CLN3: variants seen among roughly 807,000 people sequenced by gnomAD.
The protein encoded by CLN3 is CLN3 lysosomal/endosomal transmembrane protein, battenin.
A neutral mutation model predicts 60.7 loss-of-function variants in CLN3; 49 were observed. The observed-to-expected ratio is 0.81, with a 90% CI of 0.64 to 1.02. CLN3 has a LOEUF of 1.02. Ranked by LOEUF, CLN3 falls within the 50% of genes least tolerant of loss-of-function variation. The pLI, the probability that CLN3 is intolerant of heterozygous loss-of-function variation, is 0.00. For missense variants in CLN3, 516 were observed against 557.4 expected (o/e 0.93, Z 0.75); for synonymous variants, 256 against 245.8 (o/e 1.04, Z -0.39).
At chr16:28,472,348 C>T (rs2045957013), downstream of CLN3, among the ~76,000 whole-genome samples, 1 of 151,948 alleles carries the variant, frequency 6.6e-6, no homozygotes, top group African/African-American at 2.4e-5. Context: ...ATGATCACGC[C>T]ACTTCACTCC....
At chr16:28,469,855 T>C (rs1429844562), downstream of CLN3, 1 of 299,892 alleles carries the variant, frequency 3.3e-6, no homozygotes, top group Admixed American at 4.8e-5. Flanking sequence ...CGTTGTAATC[T>C]GAGCTACTCA....
At chr16:28,484,162 G>T in intron 9 of CLN3, 44 bp from the exon 10 acceptor site, 1 of 1,469,540 alleles carries the variant, frequency 6.8e-7, no homozygotes, top group Non-Finnish European at 9.4e-7. Context: ...CTACTGGCTG[G>T]GAAGGTCCCC....
chr16:28,469,990 T>G (rs866465531), downstream of CLN3, among the ~76,000 whole-genome samples: 1,045 of 129,606 alleles, frequency 8.1e-3, no homozygotes, highest in Non-Finnish European at 0.01. Flanking sequence ...AAAAAAAAAG[T>G]CATCAAACCA....
intron 4 of CLN3, among the ~76,000 whole-genome samples, 200 bp downstream of exon 4, chr16:28,489,090 C>T (rs1223005199): frequency 6.6e-6 from 1 of 151,938 alleles, no homozygotes; most frequent in African/African-American, 2.4e-5. Flanking sequence ...TTAGTAGAGT[C>T]GGAGTTTCAC....
At chr16:28,482,035 G>A (rs2046105269) in intron 14 of CLN3, 70 bp downstream of exon 14, 1 of 1,171,620 alleles carries the variant, frequency 8.5e-7, no homozygotes. Flanking sequence ...GGGAAGCAGG[G>A]GGTTTGGGGA....
chr16:28,480,598 A>C (rs938311148), intron 14 of CLN3, among the ~76,000 whole-genome samples: 2 of 151,828 alleles, frequency 1.3e-5, no homozygotes, highest in Non-Finnish European at 2.9e-5. Flanking sequence ...ACGGGGTTTC[A>C]CTGTGTTGGC....
At position 28,487,469 on chromosome 16, in the gene CLN3, C is replaced by A. The variant is rs779918787; in HGVS notation, c.447G>T (p.Gly149=). 22 of 1,613,798 alleles carry A rather than the reference C, an allele frequency of 1.4e-5. No individual in the cohort carries two copies. The highest frequency in any genetic ancestry group is 3.3e-5 in the Admixed American group (2 of 59,970). Residue 149 remains glycine, a synonymous_variant, in exon 7 of 16, where the codon GGG becomes GGT. Transcript: ENST00000636147. ...CCACACACTCACCACACAGGCTGGT[C>A]CCCACAGAATGAGAAAAGGCAACCA... The part of the protein sequence containing the change: ...FVLVAFSHSV[G]TSLCGVVFAS...
intron 3 of CLN3, among the ~76,000 whole-genome samples, chr16:28,489,822 C>T (rs540902091): frequency 2.0e-5 from 3 of 151,832 alleles, no homozygotes; most frequent in Non-Finnish European, 2.9e-5. Flanking sequence ...TTTGAGGGGC[C>T]GAGGCGGGCG....
At position 28,487,533 on chromosome 16, in the gene CLN3, A is replaced by AC. The variant is rs2141714554; in HGVS notation, c.382dup (p.Val128GlyfsTer32). ...AGCAGCACAAATCCCACTGACGAGA[A>AC]CCCGGGGGCTGAGGGGGTGAGAAGG... On this transcript the variant is annotated frameshift_variant, in exon 7 of 16. Transcript: ENST00000636147. LOFTEE classifies it high-confidence loss of function. 1 of 1,613,286 alleles carries AC rather than the reference A, an allele frequency of 6.2e-7. No individual in the cohort carries two copies. The highest frequency in any genetic ancestry group is 8.5e-7 in the Non-Finnish European group (1 of 1,179,528).
intron 5 of CLN3, 84 bp from the exon 6 acceptor site, chr16:28,487,825 G>T: frequency 9.5e-7 from 1 of 1,054,784 alleles, no homozygotes; most frequent in Non-Finnish European, 1.4e-6. Context: ...GCAGGAGCTG[G>T]CCAAACAGGC....
chr16:28,481,055 A>G (rs1465124450), intron 14 of CLN3, among the ~76,000 whole-genome samples: 3 of 152,174 alleles, frequency 2.0e-5, no homozygotes, highest in Non-Finnish European at 2.9e-5. Context: ...TAAATGACCT[A>G]TGATCATGCC....
downstream of CLN3, chr16:28,477,246 G>C: frequency 3.9e-6 from 2 of 511,876 alleles, no homozygotes; most frequent in South Asian, 4.2e-5. Context: ...CATAATAAAA[G>C]TTTCTTTTTA....
downstream of CLN3, chr16:28,477,048 A>T (rs181195): frequency 0.31 from 67,636 of 215,148 alleles, 13,370 homozygotes; most frequent in Non-Finnish European, 0.41. Context: ...GAGGCAGGAG[A>T]ATTGCTTGAA....
chr16:28,484,510 G>A (rs568139245), intron 9 of CLN3: 4 of 237,168 alleles, frequency 1.7e-5, no homozygotes, highest in South Asian at 5.4e-5. Flanking sequence ...CACCAAGCCC[G>A]CCTCATATTT....
In CLN3 at chr16:28,488,644, GC is replaced by G. The variant is rs748710466; in HGVS notation, c.240del (p.Pro81ArgfsTer100). The G allele has an allele frequency of 1.9e-6, 3 of 1,614,180 alleles. No individual in the cohort carries two copies. Among genetic ancestry groups the G allele is most frequent in the Non-Finnish European group, 2.5e-6 (3 of 1,180,018 alleles). ...GNQSHVDPGP[T>X]PIPHNSSSRF... ...CGTGATGAGCTGTTGTGGGGGATCG[GC>G]GTTGGGCCTGGGTCCACCTAATGGG... On this transcript the variant is annotated frameshift_variant, in exon 5 of 16. Coordinates refer to ENST00000636147, the MANE Select transcript of CLN3 (RefSeq NM_001042432.2). LOFTEE classifies it high-confidence loss of function.
chr16:28,472,892 C>A (rs1472450001), downstream of CLN3, among the ~76,000 whole-genome samples: 1 of 151,646 alleles, frequency 6.6e-6, no homozygotes, highest in African/African-American at 2.4e-5. Flanking sequence ...CCGCCTCAGC[C>A]TCCCAAAGTG....
chr16:28,468,790 G>A, the CLN3 span, among the ~76,000 whole-genome samples: 2 of 100,046 alleles, frequency 2.0e-5, no homozygotes, highest in Non-Finnish European at 4.4e-5. Context: ...CTGGGTGACA[G>A]AGTGAGACTC....
chr16:28,476,744 C>T (rs530129158), downstream of CLN3: 1 of 152,872 alleles, frequency 6.5e-6, no homozygotes, highest in South Asian at 2.1e-4. Context: ...ATTCTTTCCA[C>T]TTCTCTGAAA....
chr16:28,478,353 T>C (rs1034284676), intron 14 of CLN3, among the ~76,000 whole-genome samples: 2 of 147,814 alleles, frequency 1.4e-5, no homozygotes, highest in African/African-American at 5.0e-5. Flanking sequence ...CAGTGGCTCA[T>C]GCAGGTAATA....
Sources: gnomAD v4.1 joint callset for allele counts (sites outside exome capture counted in the v4.1 genomes callset) on GRCh38, gnomAD v4.1.1 for gene constraint, MANE v1.5 for transcripts, NCBI Gene and HGNC (gene_info 2026-07-23, HGNC 2026-07-21) for gene names.